SERPINA11: variants seen among roughly 807,000 people sequenced by gnomAD.
SERPINA11 encodes serpin family A member 11.
Under a neutral mutation model 29.4 loss-of-function variants are expected in SERPINA11, and 28 were observed. The ratio of observed to expected loss-of-function variants is 0.95; its 90% CI spans 0.70 to 1.30. SERPINA11 has a LOEUF of 1.30. Among genes scored for constraint, SERPINA11 ranks in the 50% most tolerant of loss-of-function variants. SERPINA11 has a pLI of 0.00. For missense variants in SERPINA11, 530 were observed against 507.3 expected, an observed-to-expected ratio of 1.04 and a Z score of -0.43; for synonymous variants, 253 against 206.6, an observed-to-expected ratio of 1.22 and a Z score of -1.92.
At chr14:94,445,934 G>T (rs1319821664) in intron 3 of SERPINA11, among the ~76,000 whole-genome samples, 1 of 152,040 alleles carries the variant, frequency 6.6e-6, no homozygotes, top group Admixed American at 6.5e-5. Context: ...ACCACCTTCT[G>T]TTCCTTCTGT....
chr14:94,442,998 T>A (rs1398804240), intron 4 of SERPINA11, 80 bp downstream of exon 4: 2 of 1,496,994 alleles, frequency 1.3e-6, no homozygotes, highest in Non-Finnish European at 1.8e-6. Flanking sequence ...GGAACTTGAC[T>A]TTTAAATGTC....
chr14:94,448,291 C>T lies in SERPINA11; in HGVS notation c.484G>A (p.Gly162Arg), dbSNP rs967373475. The T allele has an allele frequency of 2.1e-5, 34 of 1,614,226 alleles. No homozygotes were observed. The highest frequency in any genetic ancestry group is 2.9e-5 in the Non-Finnish European group (34 of 1,180,038). ...HYLDSIKELYGAFAFSANFTD... is the reference protein window; with the variant it reads ...HYLDSIKELYRAFAFSANFTD... ...AAGTTGGCAGAAAAAGCAAAAGCTCCATAAAGCTCCTTGATGCTGTCCAAA... is the reference window on the plus strand; with the variant it reads ...AAGTTGGCAGAAAAAGCAAAAGCTCTATAAAGCTCCTTGATGCTGTCCAAA... Residue 162 changes from glycine to arginine, a missense_variant, in exon 2 of 5, where the codon GGA becomes AGA. Transcript: ENST00000334708.
chr14:94,446,444 G>T lies in SERPINA11; in HGVS notation c.804C>A (p.Tyr268Ter). 6.2e-7 allele frequency: 1 copy of T among 1,614,152 alleles called. No individual in the cohort carries two copies. The highest frequency in any genetic ancestry group is 8.5e-7 in the Non-Finnish European group (1 of 1,179,974). Residue 268 changes from tyrosine to a stop codon, truncating the protein, a stop_gained, in exon 3 of 5, where the codon TAC becomes TAA. Coordinates refer to ENST00000334708, the MANE Select transcript of SERPINA11 (RefSeq NM_001080451.2). LOFTEE classifies it high-confidence loss of function. Reference sequence around the variant, plus strand: ...CCAGCAGCGCCAAGGCATTTCCTCTGTATTCTATCTGGAGGACGGTGCAAG... The same window carrying T: ...CCAGCAGCGCCAAGGCATTTCCTCTTTATTCTATCTGGAGGACGGTGCAAG... ...DLACTVLQIE[Y>*]RGNALALLVL...
rs200944129 is a variant in SERPINA11 at position 94,448,667 on chromosome 14, G to T, written c.108C>A (p.Pro36=). The T allele has an allele frequency of 2.8e-5, 44 of 1,577,162 alleles. 1 individual carries two copies. In the South Asian group the frequency reaches 4.8e-4, roughly 17 times the overall value. ...GDKSLQGPQP[P]RHQLSEPAPA... ...GGGCTGGCTCTGAGAGCTGATGCCT[G>T]GGGGGTTGAGGCCCCTGCAGACTTT... Residue 36 remains proline, a synonymous_variant, in exon 2 of 5, where the codon CCC becomes CCA. Coordinates refer to ENST00000334708, the MANE Select transcript of SERPINA11 (RefSeq NM_001080451.2).
chr14:94,450,157 C>T (rs1898560643), intron 1 of SERPINA11, among the ~76,000 whole-genome samples: 6 of 152,146 alleles, frequency 3.9e-5, no homozygotes. Context: ...CAAGCAGAGG[C>T]TGAAACCTCT....
At position 94,449,404 on chromosome 14, in the gene SERPINA11, CTATTCTTTCTT is replaced by C. The variant is rs1566784567; in HGVS notation, c.-3-638_-3-628del. The stretch of plus-strand genomic sequence containing the variant: ...AGCCTCCCTCCCTCTTTCTTTCTTT[CTATTCTTTCTT>C]TCTTTCTTTCTTTCTTTCTTTCTTT... On this transcript the variant is annotated intron_variant, in intron 1 of 4. Coordinates refer to ENST00000334708, the MANE Select transcript of SERPINA11 (RefSeq NM_001080451.2). 4.1e-3 allele frequency among the ~76,000 whole-genome samples: 130 copies of C among 31,580 alleles called. 11 individuals are homozygous for C. Among genetic ancestry groups the C allele is most frequent in the African/African-American group, 0.013 (121 of 9,638 alleles). The allele number at this position is 31,580 out of a possible 152,430, so 20.7% of individuals were successfully genotyped here. A position where few individuals can be genotyped will look rare whatever the true frequency, so the allele number is the denominator to read the frequency against.
intron 3 of SERPINA11, among the ~76,000 whole-genome samples, chr14:94,444,331 C>A (rs1022526219): frequency 1.3e-5 from 2 of 152,112 alleles, no homozygotes; most frequent in African/African-American, 4.8e-5. Context: ...TGAAACATGG[C>A]AGAGTCTGAA....
intron 1 of SERPINA11, among the ~76,000 whole-genome samples, chr14:94,452,435 T>C (rs1898604009): frequency 6.7e-6 from 1 of 149,356 alleles, no homozygotes; most frequent in East Asian, 2.0e-4. Flanking sequence ...CATTTTCTTG[T>C]CTAACTGGCA....
Position 94,442,757 on chromosome 14 carries a change from GCCCCGGCCTCGGT to G in SERPINA11, c.1105_1117del (p.Thr369LeufsTer12). ...GGGCTGGGAGAGGAGGCCTGAAGCAGCCCCGGCCTCGGTCCCCTTCTCACTCATGTCCACCATC... is the reference window on the plus strand; with the variant it reads ...GGGCTGGGAGAGGAGGCCTGAAGCAGCCCCTTCTCACTCATGTCCACCATC... On this transcript the variant is annotated frameshift_variant, in exon 5 of 5. Coordinates refer to ENST00000334708, the MANE Select transcript of SERPINA11 (RefSeq NM_001080451.2). LOFTEE classifies it low-confidence loss of function (END_TRUNC). 6.2e-7 allele frequency: 1 copy of G among 1,613,392 alleles called. No individual in the cohort carries two copies. The highest frequency in any genetic ancestry group is 8.5e-7 in the Non-Finnish European group (1 of 1,179,822).
chr14:94,444,157 G>A (rs1006384457), intron 3 of SERPINA11, among the ~76,000 whole-genome samples: 1 of 152,270 alleles, frequency 6.6e-6, no homozygotes, highest in Non-Finnish European at 1.5e-5. Context: ...CAAGACCCGC[G>A]CCAGTTGGCT....
rs1446406043 is a variant in SERPINA11 at position 94,449,457 on chromosome 14, CTT to C, written c.-3-682_-3-681del. 1.4e-3 allele frequency among the ~76,000 whole-genome samples: 162 copies of C among 116,480 alleles called. 11 individuals are homozygous for C. The highest frequency in any genetic ancestry group is 6.0e-3 in the African/African-American group (130 of 21,780). 76.4% of individuals were successfully genotyped at this position (116,480 alleles called of 152,430 possible). ...TCTTTCTTTCTTTCTTTCTTTCTTT[CTT>C]TCTTTCTTTCTTTCTTTCTTTCTGT... On this transcript the variant is annotated intron_variant, in intron 1 of 4. Transcript: ENST00000334708.
At chr14:94,451,871 T>C (rs1010990893) in intron 1 of SERPINA11, among the ~76,000 whole-genome samples, 3 of 152,224 alleles carry the variant, frequency 2.0e-5, no homozygotes, top group African/African-American at 7.2e-5. Flanking sequence ...GCCCAATTCA[T>C]TTCTTAATTC....
chr14:94,446,304 C>A (rs1367794949), intron 3 of SERPINA11, 27 bp downstream of exon 3: 7 of 1,598,756 alleles, frequency 4.4e-6, no homozygotes, highest in Non-Finnish European at 6.0e-6. Flanking sequence ...GCAAGGTCAG[C>A]CAGCATCCTT....
chr14:94,446,761 C>T (rs1490279237), intron 2 of SERPINA11, among the ~76,000 whole-genome samples, 157 bp from the exon 3 acceptor site: 1 of 152,166 alleles, frequency 6.6e-6, no homozygotes, highest in Admixed American at 6.5e-5. Context: ...AGGCCTGGCT[C>T]AGTCTCTAGG....
intron 1 of SERPINA11, among the ~76,000 whole-genome samples, chr14:94,449,497 CTTTCTCTTTCTT>C (rs1898544007): frequency 8.8e-6 from 1 of 113,514 alleles, no homozygotes; most frequent in African/African-American, 4.7e-5. Flanking sequence ...GTCTGTCTTT[CTTTCTCTTTCTT>C]TTTCTTTCTT....
In SERPINA11 at chr14:94,443,063, T is replaced by C; in HGVS notation, c.1065+15A>G. The C allele has an allele frequency of 1.2e-6, 2 of 1,603,152 alleles. No individual in the cohort carries two copies. The highest frequency in any genetic ancestry group is 2.3e-5 in the South Asian group (2 of 88,534). On this transcript the variant is annotated intron_variant, in intron 4 of 4. Transcript: ENST00000334708. Reference sequence around the variant, plus strand: ...ACCCCCACCTGCCCACAAACATCCATGTTCACCACTTTACCTTGGAGATGG... The same window carrying C: ...ACCCCCACCTGCCCACAAACATCCACGTTCACCACTTTACCTTGGAGATGG...
In SERPINA11 at chr14:94,442,565, G is replaced by A. The variant is rs375819770; in HGVS notation, c.*41C>T. 12 of 1,480,500 alleles carry A rather than the reference G, an allele frequency of 8.1e-6. No individual in the cohort carries two copies. Among genetic ancestry groups the A allele is most frequent in the Non-Finnish European group, 1.1e-5 (12 of 1,079,542 alleles). 91.7% of individuals were successfully genotyped at this position (1,480,500 alleles called of 1,614,324 possible). ...AGGCTGGTTCTGGCCTATCTGTTTGGTCCAGGATGAGATAAGATAACTCCT... is the reference window on the plus strand; with the variant it reads ...AGGCTGGTTCTGGCCTATCTGTTTGATCCAGGATGAGATAAGATAACTCCT... On this transcript the variant is annotated 3_prime_UTR_variant, in exon 5 of 5. Coordinates refer to ENST00000334708, the MANE Select transcript of SERPINA11 (RefSeq NM_001080451.2).
intron 1 of SERPINA11, 77 bp downstream of exon 1, chr14:94,452,648 CAGAG>C (rs1555373771): frequency 4.9e-5 from 7 of 144,042 alleles, no homozygotes; most frequent in African/African-American, 1.9e-4. Flanking sequence ...CACACACACA[CAGAG>C]ACAGAGAGAG....
chr14:94,447,002 C>G (rs1898454983), intron 2 of SERPINA11, among the ~76,000 whole-genome samples: 1 of 152,208 alleles, frequency 6.6e-6, no homozygotes. Context: ...ATTTGCAGAG[C>G]TGGGATGACT....
Sources: gnomAD v4.1 joint callset for allele counts (sites outside exome capture counted in the v4.1 genomes callset) on GRCh38, gnomAD v4.1.1 for gene constraint, MANE v1.5 for transcripts, NCBI Gene and HGNC (gene_info 2026-07-23, HGNC 2026-07-21) for gene names.